The following SVOPL variants were observed in gnomAD, a reference collection of about 807,000 sequenced individuals.
The protein encoded by SVOPL is putative transporter SVOPL.
A neutral mutation model predicts 61.0 loss-of-function variants in SVOPL; 60 were observed. That is an observed-to-expected ratio of 0.98 (90% confidence interval 0.80 to 1.22). The LOEUF (loss-of-function observed/expected upper bound fraction) is 1.22. Among genes scored for constraint, SVOPL ranks in the 50% most tolerant of loss-of-function variants. The pLI is 0.00. For missense variants in SVOPL, 662 were observed against 643.9 expected (o/e 1.03, Z -0.30); for synonymous variants, 279 against 250.0 (o/e 1.12, Z -1.09).
chr7:138,676,315 G>A (rs1028486563), intron 3 of SVOPL, among the ~76,000 whole-genome samples: 1 of 152,236 alleles, frequency 6.6e-6, no homozygotes, highest in African/African-American at 2.4e-5. Flanking sequence ...AAATACCTGA[G>A]ACTGGGCAAT....
chr7:138,694,296 G>A (rs543189122), intron 1 of SVOPL, among the ~76,000 whole-genome samples: 6 of 152,336 alleles, frequency 3.9e-5, no homozygotes, highest in South Asian at 4.1e-4. Context: ...CCAGGCTGGC[G>A]TTCAATGGTG....
At chr7:138,612,570 T>C (rs560993397) in intron 14 of SVOPL, among the ~76,000 whole-genome samples, 1 of 150,558 alleles carries the variant, frequency 6.6e-6, no homozygotes, top group East Asian at 1.9e-4. Flanking sequence ...GGCTGGAGTA[T>C]AGTGGTGTGA....
chr7:138,674,220 T>C (rs978273757), intron 3 of SVOPL, among the ~76,000 whole-genome samples: 10 of 145,516 alleles, frequency 6.9e-5, no homozygotes, highest in African/African-American at 2.1e-4. Flanking sequence ...CACACACACA[T>C]ACACAGAAGA....
intron 1 of SVOPL, among the ~76,000 whole-genome samples, chr7:138,683,058 A>T (rs1802734136): frequency 1.3e-5 from 2 of 152,180 alleles, no homozygotes; most frequent in South Asian, 4.1e-4. Flanking sequence ...GCAAGTTTGG[A>T]AATTTGAAGA....
intron 14 of SVOPL, among the ~76,000 whole-genome samples, chr7:138,620,113 TTTTC>T (rs372578499): frequency 2.1e-5 from 3 of 141,114 alleles, no homozygotes; most frequent in African/African-American, 8.1e-5. Flanking sequence ...TTTTTGTTTT[TTTTC>T]TGTTTTGTTT....
intron 8 of SVOPL, among the ~76,000 whole-genome samples, chr7:138,646,629 C>T (rs889428093): frequency 2.0e-5 from 3 of 152,228 alleles, no homozygotes; most frequent in Middle Eastern, 6.8e-3. Context: ...AGCAACCCTC[C>T]CATCTCAGCC....
chr7:138,676,461 C>G (rs1240709440), intron 3 of SVOPL, among the ~76,000 whole-genome samples: 2 of 152,278 alleles, frequency 1.3e-5, no homozygotes, highest in Non-Finnish European at 2.9e-5. Context: ...ACTGCGCTCA[C>G]AGGGTGGAAA....
At chr7:138,660,265 A>C in intron 5 of SVOPL, 1 of 1,145,772 alleles carries the variant, frequency 8.7e-7, no homozygotes, top group Non-Finnish European at 1.1e-6. Flanking sequence ...TGGACATCAA[A>C]AGGCAAAAAC....
chr7:138,676,800 A>G (rs1385328472), intron 3 of SVOPL, among the ~76,000 whole-genome samples: 2 of 152,078 alleles, frequency 1.3e-5, no homozygotes, highest in Admixed American at 1.3e-4. Flanking sequence ...TGAGTATTGA[A>G]TTCCCAAAAC....
At chr7:138,700,197 C>T (rs533801059) in intron 1 of SVOPL, among the ~76,000 whole-genome samples, 1 of 152,016 alleles carries the variant, frequency 6.6e-6, no homozygotes, top group South Asian at 2.1e-4. Flanking sequence ...CCAAAAGCTA[C>T]ATGAAGAAAG....
intron 7 of SVOPL, 34 bp downstream of exon 7, chr7:138,656,414 G>A (rs756231269): frequency 8.1e-6 from 13 of 1,607,712 alleles, no homozygotes; most frequent in Non-Finnish European, 1.1e-5. Flanking sequence ...CCCATAGGAT[G>A]CCAAAGGCAG....
chr7:138,691,093 A>G lies in SVOPL; in HGVS notation c.-35+10085T>C, dbSNP rs1448768882. Among the ~76,000 whole-genome samples the G allele has an allele frequency of 2.0e-5, 3 of 152,188 alleles. No homozygotes were observed. In the East Asian group the frequency reaches 5.8e-4, roughly 29 times the overall value. Reference sequence around the variant, plus strand: ...CCCAGCCTGAATTGCACTCTTTAAAATGGTGACTTTTATGTAGGTGGATTA... The same window carrying G: ...CCCAGCCTGAATTGCACTCTTTAAAGTGGTGACTTTTATGTAGGTGGATTA... On this transcript the variant is annotated intron_variant, in intron 1 of 15. Transcript: ENST00000674285.
chr7:138,631,283 C>A (rs1285843554), intron 9 of SVOPL, among the ~76,000 whole-genome samples: 3 of 152,132 alleles, frequency 2.0e-5, no homozygotes, highest in African/African-American at 7.2e-5. Flanking sequence ...GAAATAAGCA[C>A]ATCATGGAAA....
intron 3 of SVOPL, among the ~76,000 whole-genome samples, chr7:138,677,951 C>T (rs181203262): frequency 4.1e-4 from 62 of 151,906 alleles, no homozygotes; most frequent in Admixed American, 9.2e-4. Context: ...TTAGTAGAAA[C>T]GGAGTTTCAA....
At chr7:138,639,488 G>C (rs118107470) in intron 9 of SVOPL, among the ~76,000 whole-genome samples, 1 of 150,200 alleles carries the variant, frequency 6.7e-6, no homozygotes, top group Non-Finnish European at 1.5e-5. Flanking sequence ...TTATTTGGGC[G>C]TGGTGGCGGG....
intron 1 of SVOPL, among the ~76,000 whole-genome samples, chr7:138,682,716 C>G (rs977130428): frequency 6.6e-6 from 1 of 151,964 alleles, no homozygotes; most frequent in Non-Finnish European, 1.5e-5. Flanking sequence ...CCTCTGTAAT[C>G]CCAGTACTTT....
intron 8 of SVOPL, among the ~76,000 whole-genome samples, chr7:138,647,216 A>C (rs1801161601): frequency 6.6e-6 from 1 of 151,578 alleles, no homozygotes; most frequent in Admixed American, 6.6e-5. Context: ...TCTACTAAAA[A>C]TACAAAAATT....
chr7:138,697,836 A>T (rs1803103832), intron 1 of SVOPL, among the ~76,000 whole-genome samples: 1 of 151,714 alleles, frequency 6.6e-6, no homozygotes, highest in African/African-American at 2.4e-5. Flanking sequence ...AAGAAGGAGG[A>T]AGATGAAAGA....
At chr7:138,658,294 T>C (rs867777108) in intron 6 of SVOPL, among the ~76,000 whole-genome samples, 53 of 152,026 alleles carry the variant, frequency 3.5e-4, no homozygotes, top group African/African-American at 1.2e-3. Flanking sequence ...TTCCCCCCCC[T>C]CCCTTTTACA....
Sources: allele counts gnomAD v4.1 joint callset (sites outside exome capture counted in the v4.1 genomes callset), GRCh38; gene constraint gnomAD v4.1.1; transcripts MANE v1.5; gene names NCBI Gene and HGNC (gene_info 2026-07-23, HGNC 2026-07-21).